TEC: variants seen among roughly 807,000 people sequenced by gnomAD.
The protein encoded by TEC is tec protein tyrosine kinase.
Under a neutral mutation model 93.0 loss-of-function variants are expected in TEC, and 72 were observed. The observed-to-expected ratio is 0.77, with a 90% CI of 0.64 to 0.94. TEC has a LOEUF of 0.94. TEC is among the 40% of genes least tolerant of loss of function. TEC has a pLI of 0.00. For synonymous variants in TEC, 249 were observed against 247.7 expected (o/e 1.01, Z -0.05); for missense variants, 630 against 757.9 (o/e 0.83, Z 1.98).
chr4:48,196,650 T>G (rs1390265757), intron 2 of TEC, among the ~76,000 whole-genome samples: 10 of 152,336 alleles, frequency 6.6e-5, no homozygotes, highest in Non-Finnish European at 1.3e-4. Context: ...AAAGATCTTC[T>G]GAGAGTTGAT....
chr4:48,156,573 T>G (rs192848444), intron 9 of TEC, 107 bp downstream of exon 9: 4 of 944,908 alleles, frequency 4.2e-6, no homozygotes, highest in Non-Finnish European at 4.6e-6. Context: ...TGCATAGACT[T>G]GCTCACTGCT....
At chr4:48,235,848 C>T (rs963010975) in intron 1 of TEC, among the ~76,000 whole-genome samples, 2 of 152,222 alleles carry the variant, frequency 1.3e-5, no homozygotes, top group Non-Finnish European at 2.9e-5. Flanking sequence ...ACTTCATTCT[C>T]TCAACAACCT....
chr4:48,176,558 T>G (rs141456630), intron 2 of TEC, among the ~76,000 whole-genome samples: 1 of 152,014 alleles, frequency 6.6e-6, no homozygotes, highest in African/African-American at 2.4e-5. Flanking sequence ...CCCATCTCTA[T>G]TAAAAATACA....
intron 1 of TEC, among the ~76,000 whole-genome samples, chr4:48,254,630 T>C (rs1724293062): frequency 6.6e-6 from 1 of 152,226 alleles, no homozygotes; most frequent in Admixed American, 6.5e-5. Flanking sequence ...CTGGCTGAGA[T>C]CCCAGATGGT....
Position 48,145,497 on chromosome 4 carries a change from T to C in TEC, c.1164A>G (p.Lys388=), listed in dbSNP as rs775883040. The stretch of plus-strand genomic sequence containing the variant: ...TTGCGACTTTGTACTGGGCTCGCCA[T>C]TTGCCAAGCCTCACCACTCCAAACA... ...SGLFGVVRLG[K]WRAQYKVAIK... is the part of the protein sequence containing the mutation. The change falls in exon 13 of 18, where the codon AAA becomes AAG. Residue 388 remains lysine (K), a synonymous_variant. Transcript: ENST00000381501. 2.5e-6 allele frequency: 4 copies of C among 1,614,122 alleles called. No homozygotes were observed. Among genetic ancestry groups the C allele is most frequent in the Non-Finnish European group, 3.4e-6 (4 of 1,180,006 alleles).
At chr4:48,187,434 T>TAAA (rs59244907) in intron 2 of TEC, among the ~76,000 whole-genome samples, 204 of 134,234 alleles carry the variant, frequency 1.5e-3, no homozygotes, top group African/African-American at 3.2e-3. Flanking sequence ...CAATAAATAC[T>TAAA]AAAAAAAAAA....
intron 2 of TEC, among the ~76,000 whole-genome samples, chr4:48,214,542 T>G (rs950644488): frequency 1.3e-5 from 2 of 152,210 alleles, no homozygotes; most frequent in African/African-American, 4.8e-5. Flanking sequence ...TTTTCACTTT[T>G]AGTACAGTAT....
At chr4:48,141,895 C>T (rs1168940890) in intron 14 of TEC, among the ~76,000 whole-genome samples, 7 of 152,110 alleles carry the variant, frequency 4.6e-5, no homozygotes, top group African/African-American at 1.7e-4. Context: ...CTGACCTCAT[C>T]CATCTGCCTC....
chr4:48,168,923 G>T (rs570188842), intron 5 of TEC, among the ~76,000 whole-genome samples: 1 of 152,164 alleles, frequency 6.6e-6, no homozygotes, highest in East Asian at 1.9e-4. Flanking sequence ...AATGCTCATG[G>T]AATCAAACAT....
At chr4:48,228,217 C>A (rs566628157) in intron 2 of TEC, among the ~76,000 whole-genome samples, 2 of 152,130 alleles carry the variant, frequency 1.3e-5, no homozygotes, top group African/African-American at 4.8e-5. Context: ...GCCATATGTA[C>A]AATGCACCTT....
intron 14 of TEC, 84 bp downstream of exon 14, chr4:48,144,986 AAAATTGGCT>A: frequency 9.0e-7 from 1 of 1,113,552 alleles, no homozygotes. Flanking sequence ...GTTAAGAACA[AAAATTGGCT>A]ATTAATACAT....
chr4:48,242,376 T>A (rs529846203), intron 1 of TEC, among the ~76,000 whole-genome samples: 26 of 152,328 alleles, frequency 1.7e-4, no homozygotes, highest in African/African-American at 6.3e-4. Flanking sequence ...ATATTGGGTA[T>A]TCGGTAAGTA....
At chr4:48,207,037 C>CTTCT (rs1722740697) in intron 2 of TEC, among the ~76,000 whole-genome samples, 1 of 152,156 alleles carries the variant, frequency 6.6e-6, no homozygotes, top group Non-Finnish European at 1.5e-5. Context: ...AGACAGAGAT[C>CTTCT]TTCTGCACCG....
At chr4:48,252,173 G>T (rs1029377793) in intron 1 of TEC, among the ~76,000 whole-genome samples, 2 of 152,080 alleles carry the variant, frequency 1.3e-5, no homozygotes, top group Admixed American at 6.5e-5. Flanking sequence ...TATAAAATAG[G>T]GTAATAATTA....
rs763889694 is a variant in TEC at position 48,137,431 on chromosome 4, T to C, written c.1881A>G (p.Glu627=). Residue 627 remains glutamate (E), a synonymous_variant, in exon 18 of 18, where the codon GAA becomes GAG. Transcript: ENST00000381501. Reference sequence around the variant, plus strand: ...CACACATCACTTATCTTCCAAAAGTTTCTTCACATTCAACTAGTTCATCTA... The same window carrying C: ...CACACATCACTTATCTTCCAAAAGTCTCTTCACATTCAACTAGTTCATCTA... ...RTIDELVECE[E]TFGR 6.2e-7 allele frequency: 1 copy of C among 1,614,084 alleles called. No homozygotes were observed.
At chr4:48,233,491 T>TA (rs1723700217) in intron 1 of TEC, among the ~76,000 whole-genome samples, 1 of 151,784 alleles carries the variant, frequency 6.6e-6, no homozygotes. Flanking sequence ...ACTGACTTTT[T>TA]AAAGTCCCAC....
chr4:48,200,797 A>G (rs1018150777), intron 2 of TEC, among the ~76,000 whole-genome samples: 1 of 152,184 alleles, frequency 6.6e-6, no homozygotes, highest in African/African-American at 2.4e-5. Context: ...TGCAATTCAG[A>G]CAAGATGGCT....
At chr4:48,236,310 CT>C in intron 1 of TEC, among the ~76,000 whole-genome samples, 2 of 151,502 alleles carry the variant, frequency 1.3e-5, no homozygotes, top group Admixed American at 6.6e-5. Flanking sequence ...GAGACGGAGT[CT>C]CGCTCTGTCG....
At chr4:48,261,499 C>T (rs1407084484) in intron 1 of TEC, among the ~76,000 whole-genome samples, 1 of 152,088 alleles carries the variant, frequency 6.6e-6, no homozygotes, top group Non-Finnish European at 1.5e-5. Flanking sequence ...ATATGGAAAT[C>T]CCACAAGTCG....
Sources: allele counts gnomAD v4.1 joint callset (sites outside exome capture counted in the v4.1 genomes callset), GRCh38; gene constraint gnomAD v4.1.1; transcripts MANE v1.5; gene names NCBI Gene and HGNC (gene_info 2026-07-23, HGNC 2026-07-21).